The following LEPR variants were observed in gnomAD, a reference collection of about 807,000 sequenced individuals.
LEPR encodes the protein OB receptor.
A neutral mutation model predicts 114.7 loss-of-function variants in LEPR; 56 were observed. The observed-to-expected ratio is 0.49, with a 90% CI of 0.39 to 0.61. The LOEUF (loss-of-function observed/expected upper bound fraction) is 0.61, where lower values mean the gene tolerates loss of function less well. LEPR is among the 20% of genes least tolerant of loss of function. The probability of loss-of-function intolerance (pLI) is 0.00; values close to 1 mark genes in which losing one functional copy is unlikely to be tolerated. For missense variants in LEPR, 1,202 were observed against 1,352.9 expected (o/e 0.89, Z 1.75); for synonymous variants, 443 against 461.4 (o/e 0.96, Z 0.51).
intron 2 of LEPR, among the ~76,000 whole-genome samples, chr1:65,494,708 A>G (rs962250508): frequency 2.0e-5 from 3 of 151,980 alleles, no homozygotes; most frequent in African/African-American, 7.2e-5. Flanking sequence ...TCTCTCTTCA[A>G]TTTCTAGGGT....
intron 2 of LEPR, among the ~76,000 whole-genome samples, chr1:65,556,996 G>A (rs1390267549): frequency 2.6e-5 from 4 of 152,146 alleles, no homozygotes; most frequent in African/African-American, 9.7e-5. Context: ...TGACTGAACT[G>A]GGGAGCAAGG....
chr1:65,547,072 T>C (rs918688497), intron 2 of LEPR, among the ~76,000 whole-genome samples: 9 of 151,930 alleles, frequency 5.9e-5, no homozygotes, highest in African/African-American at 1.9e-4. Context: ...AATCATGTGG[T>C]TTTTGTCTTT....
At chr1:65,519,109 CTCCTTCCT>C (rs202044069) in intron 2 of LEPR, among the ~76,000 whole-genome samples, 6,067 of 109,618 alleles carry the variant, frequency 0.055, 389 homozygotes, top group African/African-American at 0.16. Flanking sequence ...GTGTCTCTCT[CTCCTTCCT>C]TCCTTCCTTC....
chr1:65,555,243 C>T (rs1557660019), intron 2 of LEPR, among the ~76,000 whole-genome samples: 1 of 152,152 alleles, frequency 6.6e-6, no homozygotes, highest in Non-Finnish European at 1.5e-5. Flanking sequence ...ATAGCATGTT[C>T]TCACATAAGA....
chr1:65,567,572 A>T (rs539903291), intron 3 of LEPR, among the ~76,000 whole-genome samples: 5 of 152,134 alleles, frequency 3.3e-5, no homozygotes, highest in African/African-American at 1.2e-4. Flanking sequence ...TTTGGCCTCA[A>T]TTTTTGCATC....
At chr1:65,430,094 C>T in intron 2 of LEPR, 1 of 1,462,512 alleles carries the variant, frequency 6.8e-7, no homozygotes, top group Non-Finnish European at 9.2e-7. Context: ...GCTGAGTTTA[C>T]TTCAGAGGCC....
chr1:65,584,917 A>C (rs1655218347), intron 5 of LEPR, among the ~76,000 whole-genome samples: 1 of 151,968 alleles, frequency 6.6e-6, no homozygotes, highest in Admixed American at 6.6e-5. Flanking sequence ...GCATTTTACA[A>C]AATGCTTCTT....
In LEPR at chr1:65,601,570, T is replaced by C. The variant is rs572748154; in HGVS notation, c.1173T>C (p.Val391=). The C allele has an allele frequency of 1.2e-6, 2 of 1,613,832 alleles. No individual in the cohort carries two copies. Among genetic ancestry groups the C allele is most frequent in the South Asian group, 2.2e-5 (2 of 91,080 alleles). ...TTGTGAGTGATCATGTTAGCAAAGTTACTTTTTTCAATCTGAATGAAACCA... is the reference window on the plus strand; with the variant it reads ...TTGTGAGTGATCATGTTAGCAAAGTCACTTTTTTCAATCTGAATGAAACCA... ...YDVVSDHVSK[V]TFFNLNETKP... is the part of the protein sequence containing the mutation. Residue 391 remains valine (V), a synonymous_variant, in exon 9 of 20, where the codon GTT becomes GTC. Transcript: ENST00000349533.
chr1:65,554,232 G>A (rs988508630), intron 2 of LEPR, among the ~76,000 whole-genome samples: 2 of 152,180 alleles, frequency 1.3e-5, no homozygotes, highest in Admixed American at 6.5e-5. Flanking sequence ...AAGCTGAAGC[G>A]CTGTGCTGGG....
At chr1:65,628,899 A>ACAGT (rs941872747) in intron 19 of LEPR, among the ~76,000 whole-genome samples, 34 of 152,244 alleles carry the variant, frequency 2.2e-4, no homozygotes, top group African/African-American at 8.2e-4. Flanking sequence ...CATGAAAAGG[A>ACAGT]CAGTCCCCTT....
intron 2 of LEPR, among the ~76,000 whole-genome samples, chr1:65,464,149 C>T (rs892554686): frequency 9.9e-5 from 15 of 152,080 alleles, no homozygotes; most frequent in African/African-American, 3.6e-4. Context: ...CAGTATGATA[C>T]TGGCTGTGGG....
chr1:65,450,362 G>A (rs957514590), intron 2 of LEPR, among the ~76,000 whole-genome samples: 2 of 149,766 alleles, frequency 1.3e-5, no homozygotes, highest in Non-Finnish European at 3.0e-5. Context: ...TGCCATGCTG[G>A]TGCGCTGCAC....
At chr1:65,575,197 G>A (rs1654496002) in intron 5 of LEPR, among the ~76,000 whole-genome samples, 1 of 152,148 alleles carries the variant, frequency 6.6e-6, no homozygotes, top group Admixed American at 6.6e-5. Flanking sequence ...TCTCTTTCTA[G>A]CTCCCCCACA....
At chr1:65,425,078 A>G (rs923175512) in intron 1 of LEPR, among the ~76,000 whole-genome samples, 3 of 152,186 alleles carry the variant, frequency 2.0e-5, no homozygotes, top group Non-Finnish European at 4.4e-5. Context: ...TTATTGATAA[A>G]TGATTCACAT....
chr1:65,449,600 C>G (rs1646755660), intron 2 of LEPR, among the ~76,000 whole-genome samples: 1 of 152,056 alleles, frequency 6.6e-6, no homozygotes, highest in Admixed American at 6.6e-5. Context: ...GGAGCTGGAG[C>G]CTGTGCCAGA....
intron 2 of LEPR, among the ~76,000 whole-genome samples, chr1:65,461,426 C>T (rs1008050031): frequency 3.9e-5 from 6 of 152,070 alleles, no homozygotes; most frequent in Non-Finnish European, 8.8e-5. Context: ...AATCACACAA[C>T]GATGGGGATA....
At chr1:65,634,287 C>G in intron 19 of LEPR, 6 of 982,300 alleles carry the variant, frequency 6.1e-6, no homozygotes, top group Non-Finnish European at 7.3e-6. Flanking sequence ...TAGAAAAGAA[C>G]TCTACAAAAA....
At chr1:65,628,375 G>C (rs1204524048) in intron 19 of LEPR, among the ~76,000 whole-genome samples, 1 of 152,148 alleles carries the variant, frequency 6.6e-6, no homozygotes, top group Non-Finnish European at 1.5e-5. Flanking sequence ...TACAGGTAAA[G>C]TTTGTCCTGC....
At chr1:65,461,254 C>T (rs556703464) in intron 2 of LEPR, among the ~76,000 whole-genome samples, 1 of 152,240 alleles carries the variant, frequency 6.6e-6, no homozygotes, top group East Asian at 1.9e-4. Context: ...GGATTACAGG[C>T]GTGAGCCACC....
Sources: gnomAD v4.1 joint callset for allele counts (sites outside exome capture counted in the v4.1 genomes callset) on GRCh38, gnomAD v4.1.1 for gene constraint, MANE v1.5 for transcripts, NCBI Gene and HGNC (gene_info 2026-07-23, HGNC 2026-07-21) for gene names.